Variants in CTNNA3 observed in about 807,000 individuals in gnomAD.
CTNNA3 encodes the protein catenin alpha 3, also known as catenin alpha-3.
A neutral mutation model predicts 95.7 loss-of-function variants in CTNNA3; 76 were observed. That is an observed-to-expected ratio of 0.79 (90% CI 0.66 to 0.96). The LOEUF (loss-of-function observed/expected upper bound fraction) is 0.96. Among genes scored for constraint, CTNNA3 ranks in the 40% least tolerant of loss-of-function variants. The pLI is 0.00. For missense variants in CTNNA3, 1,191 were observed against 1,089.8 expected (o/e 1.09, Z -1.31); for synonymous variants, 431 against 374.4 (o/e 1.15, Z -1.74).
At chr10:66,179,623 C>G (rs1483120306) in intron 13 of CTNNA3, among the ~76,000 whole-genome samples, 1 of 152,032 alleles carries the variant, frequency 6.6e-6, no homozygotes, top group African/African-American at 2.4e-5. Context: ...AATTTGCAAG[C>G]TCTGAAAGGA....
intron 15 of CTNNA3, among the ~76,000 whole-genome samples, chr10:66,016,260 A>G (rs61858365): frequency 1.3e-5 from 2 of 152,194 alleles, no homozygotes; most frequent in Non-Finnish European, 2.9e-5. Flanking sequence ...GTTGTTTTGT[A>G]CCATTCAGAA....
chr10:66,250,466 C>A (rs1378853340), intron 13 of CTNNA3, among the ~76,000 whole-genome samples: 2 of 152,140 alleles, frequency 1.3e-5, no homozygotes, highest in Admixed American at 1.3e-4. Context: ...CTTGAGAAGG[C>A]AGATATCCCA....
chr10:67,545,605 G>C (rs538779715), intron 3 of CTNNA3, among the ~76,000 whole-genome samples: 3 of 152,262 alleles, frequency 2.0e-5, no homozygotes, highest in African/African-American at 7.2e-5. Flanking sequence ...AAAAGTTGGA[G>C]CAGGGCAAGG....
At chr10:67,011,639 T>C (rs1925623) in intron 7 of CTNNA3, among the ~76,000 whole-genome samples, 83,165 of 151,964 alleles carry the variant, frequency 0.55, 23,332 homozygotes, top group Middle Eastern at 0.75. Flanking sequence ...AGGCTATGTG[T>C]AACTTTAATA....
At chr10:66,614,640 C>A (rs571711076) in intron 10 of CTNNA3, among the ~76,000 whole-genome samples, 1 of 151,950 alleles carries the variant, frequency 6.6e-6, no homozygotes, top group Non-Finnish European at 1.5e-5. Context: ...TCTTTATACC[C>A]AACCACATCA....
intron 5 of CTNNA3, among the ~76,000 whole-genome samples, chr10:67,317,756 T>A (rs1015538235): frequency 2.0e-5 from 3 of 152,124 alleles, no homozygotes; most frequent in African/African-American, 7.2e-5. Context: ...AACATACTAC[T>A]TTCTGGATCT....
At chr10:67,167,856 A>T (rs2132105765) in intron 7 of CTNNA3, among the ~76,000 whole-genome samples, 1 of 152,286 alleles carries the variant, frequency 6.6e-6, no homozygotes, top group South Asian at 2.1e-4. Flanking sequence ...TTATCGGCCG[A>T]GTATAGTGGC....
At chr10:66,925,993 T>C in intron 7 of CTNNA3, 1 of 456,744 alleles carries the variant, frequency 2.2e-6, no homozygotes, top group Non-Finnish European at 4.4e-6. Flanking sequence ...TCTTCACCAC[T>C]GGGGGCAGCT....
chr10:66,147,837 G>A (rs1163658598), intron 13 of CTNNA3, among the ~76,000 whole-genome samples: 1 of 150,374 alleles, frequency 6.7e-6, no homozygotes. Context: ...TAGCATGTAT[G>A]TATATTAATA....
Position 66,010,058 on chromosome 10 carries a change from T to C in CTNNA3, c.2160-21261A>G, listed in dbSNP as rs189156443. ...TGGAAGGAAGAAAAAGGTATTCATT[T>C]TTTTGAAGGTTCAAAATAAAGGTGA... On this transcript the variant is annotated intron_variant, in intron 15 of 17. Transcript: ENST00000433211. Among the ~76,000 whole-genome samples the C allele has an allele frequency of 2.6e-5, 4 of 152,364 alleles. No homozygotes were observed. The East Asian group carries it at 7.7e-4, about 29-fold the overall frequency.
intron 7 of CTNNA3, chr10:67,099,628 T>G (rs562461706): frequency 1.3e-5 from 2 of 152,190 alleles, no homozygotes. Flanking sequence ...TGAAAATATA[T>G]AAAGTCAGAA....
chr10:66,830,808 A>G (rs564317528), intron 7 of CTNNA3, among the ~76,000 whole-genome samples: 232 of 151,910 alleles, frequency 1.5e-3, no homozygotes, highest in Non-Finnish European at 2.9e-3. Context: ...ACAGGGTTTC[A>G]CCGTGTTAGC....
intron 7 of CTNNA3, among the ~76,000 whole-genome samples, chr10:66,836,976 T>A (rs922652200): frequency 6.6e-6 from 1 of 152,136 alleles, no homozygotes; most frequent in South Asian, 2.1e-4. Context: ...TCCTTACTCA[T>A]ACACTGGATA....
chr10:66,871,939 A>C (rs1018437995), intron 7 of CTNNA3, among the ~76,000 whole-genome samples: 2 of 152,244 alleles, frequency 1.3e-5, no homozygotes, highest in African/African-American at 4.8e-5. Flanking sequence ...CTGACCAATA[A>C]ATTTTGCACA....
chr10:66,739,478 C>T (rs7092091), intron 9 of CTNNA3, among the ~76,000 whole-genome samples: 41,663 of 151,964 alleles, frequency 0.27, 6,025 homozygotes, highest in East Asian at 0.49. Flanking sequence ...AGCTATCCCA[C>T]GAGCATGTAA....
intron 1 of CTNNA3, among the ~76,000 whole-genome samples, chr10:67,758,321 T>TATAC (rs1554881252): frequency 1.3e-5 from 1 of 78,094 alleles, no homozygotes; most frequent in Non-Finnish European, 2.9e-5. Flanking sequence ...TATAAATATA[T>TATAC]ATACACACAC....
chr10:65,920,683 G>A (rs2077072761), intron 17 of CTNNA3, 66 bp from the exon 18 acceptor site: 1 of 1,530,990 alleles, frequency 6.5e-7, no homozygotes, highest in Admixed American at 1.8e-5. Flanking sequence ...TGCCAAGCGT[G>A]GGCATGGTGG....
intron 6 of CTNNA3, among the ~76,000 whole-genome samples, chr10:67,192,489 T>A (rs1452675979): frequency 2.6e-5 from 4 of 151,920 alleles, no homozygotes; most frequent in Non-Finnish European, 4.4e-5. Flanking sequence ...AAAAGGCCAA[T>A]AGTGCATTAA....
intron 15 of CTNNA3, among the ~76,000 whole-genome samples, chr10:66,010,192 T>C (rs2078977150): frequency 6.6e-6 from 1 of 152,216 alleles, no homozygotes; most frequent in Non-Finnish European, 1.5e-5. Flanking sequence ...AACATGTTAC[T>C]ATCATCTACG....
Sources: gnomAD v4.1 joint callset for allele counts (sites outside exome capture counted in the v4.1 genomes callset) on GRCh38, gnomAD v4.1.1 for gene constraint, MANE v1.5 for transcripts, NCBI Gene and HGNC (gene_info 2026-07-23, HGNC 2026-07-21) for gene names.